Variants in LRRC28 observed in about 807,000 individuals in gnomAD.
The protein encoded by LRRC28 is leucine rich repeat containing 28.
LRRC28 carries 39 observed loss-of-function variants against 45.7 expected under a neutral mutation model. That is an observed-to-expected ratio of 0.85 (90% confidence interval 0.66 to 1.12). LRRC28 has a LOEUF of 1.12. Among genes scored for constraint, LRRC28 ranks in the 50% most tolerant of loss-of-function variants. The probability of loss-of-function intolerance (pLI) is 0.00; values close to 1 mark genes in which losing one functional copy is unlikely to be tolerated. For synonymous variants in LRRC28, 206 were observed against 178.8 expected (o/e 1.15, Z -1.22); for missense variants, 435 against 438.5 (o/e 0.99, Z 0.07).
intron 6 of LRRC28, among the ~76,000 whole-genome samples, chr15:99,348,027 G>A (rs1956751274): frequency 6.6e-6 from 1 of 152,146 alleles, no homozygotes; most frequent in African/African-American, 2.4e-5. Flanking sequence ...TCCTTTATTA[G>A]TGATGTTGAG....
intron 4 of LRRC28, 113 bp downstream of exon 4, chr15:99,287,407 T>C (rs2081988070): frequency 5.4e-6 from 4 of 734,146 alleles, no homozygotes; most frequent in African/African-American, 1.8e-5. Flanking sequence ...TCAAAACTTT[T>C]TTCTTCTAAT....
chr15:99,302,872 A>G (rs1486711122), intron 5 of LRRC28, among the ~76,000 whole-genome samples: 2 of 152,078 alleles, frequency 1.3e-5, no homozygotes, highest in Admixed American at 1.3e-4. Context: ...GTAATGTTTT[A>G]TTGTATGGAT....
chr15:99,306,117 T>G (rs1955172610), intron 5 of LRRC28, among the ~76,000 whole-genome samples: 1 of 152,236 alleles, frequency 6.6e-6, no homozygotes, highest in South Asian at 2.1e-4. Flanking sequence ...AATTAAAAAT[T>G]AAATATCTTA....
At chr15:99,280,559 CTG>C (rs2081758235) in intron 3 of LRRC28, among the ~76,000 whole-genome samples, 6 of 152,004 alleles carry the variant, frequency 3.9e-5, no homozygotes, top group Admixed American at 1.3e-4. Flanking sequence ...TGCATAGTTT[CTG>C]AAGAAACATC....
Position 99,287,807 on chromosome 15 carries a change from T to C in LRRC28, c.248-7T>C. The C allele has an allele frequency of 6.3e-7, 1 of 1,597,554 alleles. No homozygotes were observed. Among genetic ancestry groups the C allele is most frequent in the Non-Finnish European group, 8.5e-7 (1 of 1,171,744 alleles). ...ATTCATTTTGCCTTCTCCTTTTCTC[T>C]TTGAAGCCATTGGGTCTCTTGTAAA... On this transcript the variant is annotated splice_region_variant and splice_polypyrimidine_tract_variant and intron_variant, in intron 4 of 9. Transcript: ENST00000301981.
At chr15:99,302,386 T>C (rs1039711834) in intron 5 of LRRC28, among the ~76,000 whole-genome samples, 1 of 151,550 alleles carries the variant, frequency 6.6e-6, no homozygotes, top group Non-Finnish European at 1.5e-5. Context: ...TTTGTTTTTG[T>C]TTTTGTTTTT....
chr15:99,310,574 C>G (rs569677364), intron 5 of LRRC28, among the ~76,000 whole-genome samples: 1 of 152,084 alleles, frequency 6.6e-6, no homozygotes, highest in South Asian at 2.1e-4. Context: ...TGTAATCATG[C>G]CAAAGAAAAG....
intron 6 of LRRC28, among the ~76,000 whole-genome samples, chr15:99,344,047 A>C (rs1300650374): frequency 6.6e-6 from 1 of 152,182 alleles, no homozygotes; most frequent in Non-Finnish European, 1.5e-5. Context: ...CAACTAAAAC[A>C]GCAGAGCTGC....
chr15:99,294,740 C>T (rs553655123), intron 5 of LRRC28, among the ~76,000 whole-genome samples: 2 of 152,340 alleles, frequency 1.3e-5, no homozygotes, highest in South Asian at 4.1e-4. Flanking sequence ...CCTCCTGAGA[C>T]CATTGCATTG....
chr15:99,257,757 A>G (rs1287852839), intron 2 of LRRC28: 1 of 774,184 alleles, frequency 1.3e-6, no homozygotes, highest in South Asian at 1.3e-5. Flanking sequence ...ACAAGGCTCA[A>G]GGATGGATGA....
intron 2 of LRRC28, among the ~76,000 whole-genome samples, chr15:99,262,735 C>T (rs2081232090): frequency 6.6e-6 from 1 of 151,942 alleles, no homozygotes; most frequent in Non-Finnish European, 1.5e-5. Context: ...CCGTGACCTC[C>T]TGAGTTCAAG....
intron 3 of LRRC28, among the ~76,000 whole-genome samples, chr15:99,283,023 G>A (rs2081850112): frequency 1.3e-5 from 2 of 152,010 alleles, no homozygotes; most frequent in Admixed American, 1.3e-4. Context: ...CTCCCAGGTA[G>A]CTGGGATTAC....
chr15:99,266,695 A>AT (rs747975694), intron 2 of LRRC28, among the ~76,000 whole-genome samples: 2 of 152,246 alleles, frequency 1.3e-5, no homozygotes, highest in Admixed American at 6.5e-5. Context: ...TTATCACAAA[A>AT]TTGAATATGA....
Position 99,287,840 on chromosome 15 carries a change from T to C in LRRC28, c.274T>C (p.Cys92Arg). The C allele has an allele frequency of 1.9e-6, 3 of 1,612,932 alleles. No individual in the cohort carries two copies. Among genetic ancestry groups the C allele is most frequent in the Non-Finnish European group, 2.5e-6 (3 of 1,179,414 alleles). Reference sequence around the variant, plus strand: ...CATTGGGTCTCTTGTAAAACTCCAATGTCTGGATCTTAGTGACAATGCCTT... The same window carrying C: ...CATTGGGTCTCTTGTAAAACTCCAACGTCTGGATCTTAGTGACAATGCCTT... Reference protein sequence around the residue: ...EAIGSLVKLQCLDLSDNALEI... With the variant: ...EAIGSLVKLQRLDLSDNALEI... The change falls in exon 5 of 10, where the codon TGT (cysteine) becomes CGT (arginine). Residue 92 changes from cysteine (C) to arginine (R), a missense_variant. Transcript: ENST00000301981.
chr15:99,309,887 A>G (rs1174025759), intron 5 of LRRC28, among the ~76,000 whole-genome samples: 1 of 152,220 alleles, frequency 6.6e-6, no homozygotes, highest in African/African-American at 2.4e-5. Context: ...GTGGTGAAGA[A>G]TTCCAGGCCA....
At chr15:99,331,418 T>C (rs537277753) in intron 5 of LRRC28, among the ~76,000 whole-genome samples, 1 of 152,298 alleles carries the variant, frequency 6.6e-6, no homozygotes, top group Admixed American at 6.5e-5. Context: ...CCATATCCGA[T>C]CAAACCTACC....
intron 3 of LRRC28, chr15:99,284,753 C>T (rs190570917): frequency 3.8e-6 from 2 of 525,840 alleles, no homozygotes; most frequent in African/African-American, 1.9e-5. Context: ...GTCCTCCCTT[C>T]ATGGGTTCAA....
At chr15:99,366,882 A>G (rs1957354796) in intron 9 of LRRC28, among the ~76,000 whole-genome samples, 1 of 135,568 alleles carries the variant, frequency 7.4e-6, no homozygotes, top group Admixed American at 7.6e-5. Flanking sequence ...CCCCACTGAG[A>G]TAAAAAAAAA....
intron 5 of LRRC28, among the ~76,000 whole-genome samples, chr15:99,310,401 C>A (rs144558999): frequency 5.5e-4 from 83 of 152,244 alleles, no homozygotes; most frequent in Middle Eastern, 3.4e-3. Context: ...GCTTCCTGAA[C>A]CATTAGGTAA....
Sources: gnomAD v4.1 joint callset for allele counts (sites outside exome capture counted in the v4.1 genomes callset) on GRCh38, gnomAD v4.1.1 for gene constraint, MANE v1.5 for transcripts, NCBI Gene and HGNC (gene_info 2026-07-23, HGNC 2026-07-21) for gene names.